Variants in BTBD8 observed in about 807,000 individuals in gnomAD.
BTBD8 encodes BTB domain containing 8, also known as BTB/POZ domain-containing protein 8.
In BTBD8, 110 loss-of-function variants were observed where a neutral mutation model predicts 162.9. The observed-to-expected ratio is 0.68, with a 90% confidence interval of 0.58 to 0.79. The LOEUF is 0.79. Among genes scored for constraint, BTBD8 ranks in the 30% least tolerant of loss-of-function variants. The pLI, the probability that BTBD8 is intolerant of heterozygous loss-of-function variation, is 0.00. For missense variants in BTBD8, 1,905 were observed against 2,085.4 expected, an observed-to-expected ratio of 0.91 and a Z score of 1.68; for synonymous variants, 667 against 716.1, an observed-to-expected ratio of 0.93 and a Z score of 1.10.
intron 1 of BTBD8, among the ~76,000 whole-genome samples, chr1:92,087,886 A>G (rs1648201816): frequency 6.6e-6 from 1 of 152,226 alleles, no homozygotes; most frequent in South Asian, 2.1e-4. Context: ...ATATTGCTAT[A>G]GTGATATGAA....
chr1:92,086,438 C>G (rs2101891175), intron 1 of BTBD8, among the ~76,000 whole-genome samples: 1 of 152,222 alleles, frequency 6.6e-6, no homozygotes, highest in African/African-American at 2.4e-5. Context: ...TGAGACCAGC[C>G]AGGGGAACAT....
chr1:92,157,326 C>T (rs1013240855), intron 9 of BTBD8, among the ~76,000 whole-genome samples: 3 of 151,980 alleles, frequency 2.0e-5, no homozygotes, highest in East Asian at 3.9e-4. Context: ...ATTTTGTGAC[C>T]GAACATGATA....
intron 4 of BTBD8, among the ~76,000 whole-genome samples, chr1:92,128,067 A>G (rs915830716): frequency 1.3e-5 from 2 of 152,090 alleles, no homozygotes; most frequent in Non-Finnish European, 2.9e-5. Context: ...CTGTATTTCA[A>G]TATTTTCTAG....
At chr1:92,123,511 G>A (rs1649270166) in intron 4 of BTBD8, among the ~76,000 whole-genome samples, 1 of 152,092 alleles carries the variant, frequency 6.6e-6, no homozygotes, top group African/African-American at 2.4e-5. Flanking sequence ...ATTTATCCTA[G>A]CAGTGTTTTA....
At chr1:92,126,173 G>A in intron 4 of BTBD8, 1 of 507,880 alleles carries the variant, frequency 2.0e-6, no homozygotes, top group South Asian at 1.6e-5. Context: ...AGAAGATTGT[G>A]GTGCAGGGAG....
intron 9 of BTBD8, among the ~76,000 whole-genome samples, chr1:92,157,501 C>A (rs986350033): frequency 2.0e-5 from 3 of 151,928 alleles, no homozygotes; most frequent in African/African-American, 7.3e-5. Context: ...TTCTTATTTA[C>A]TTATTTATTT....
rs907527094 is a variant in BTBD8, at chr1:92,182,116, A to T, written c.4433A>T (p.Glu1478Val). 6.4e-7 allele frequency: 1 copy of T among 1,551,426 alleles called. No individual in the cohort carries two copies. The highest frequency in any genetic ancestry group is 1.4e-5 in the African/African-American group (1 of 73,032). ...PSDVFDGISH[E>V]HHGRTCYSRF... ...GATGTTTTTGATGGCATTTCTCATGAACATCATGGAAGGACCTGCTATTCC... is the reference window on the plus strand; with the variant it reads ...GATGTTTTTGATGGCATTTCTCATGTACATCATGGAAGGACCTGCTATTCC... Residue 1478 changes from glutamate (E) to valine (V), a missense_variant, in exon 17 of 18, where the codon GAA becomes GTA. Glu to Val is a moderately radical substitution (Grantham distance 121, BLOSUM62 -2). Transcript: ENST00000636805.
At chr1:92,145,950 C>T (rs759623286) in intron 7 of BTBD8, among the ~76,000 whole-genome samples, 4 of 151,560 alleles carry the variant, frequency 2.6e-5, no homozygotes, top group Non-Finnish European at 5.9e-5. Context: ...CACTGCACTC[C>T]AGCCTGGGTG....
chr1:92,141,611 G>C (rs966495237), intron 7 of BTBD8, among the ~76,000 whole-genome samples: 1 of 152,114 alleles, frequency 6.6e-6, no homozygotes, highest in South Asian at 2.1e-4. Flanking sequence ...GCAGGGACTT[G>C]GGGTGGAATG....
At chr1:92,102,828 C>T (rs982854078) in intron 3 of BTBD8, among the ~76,000 whole-genome samples, 159 bp downstream of exon 3, 1 of 151,880 alleles carries the variant, frequency 6.6e-6, no homozygotes, top group Non-Finnish European at 1.5e-5. Flanking sequence ...CAGTTTTTCC[C>T]AAGTAATTGG....
At chr1:92,165,519 AC>A (rs1174576252) in intron 9 of BTBD8, among the ~76,000 whole-genome samples, 2 of 151,950 alleles carry the variant, frequency 1.3e-5, no homozygotes, top group African/African-American at 4.8e-5. Flanking sequence ...AAAAAAAAAA[AC>A]AGAGGCTGTG....
intron 4 of BTBD8, among the ~76,000 whole-genome samples, chr1:92,111,280 A>G (rs2101910542): frequency 6.6e-6 from 1 of 152,306 alleles, no homozygotes; most frequent in South Asian, 2.1e-4. Context: ...GGTGTGAGCC[A>G]CTGCACCTGG....
chr1:92,171,516 CTTA>C (rs112652323), intron 13 of BTBD8, 56 bp downstream of exon 13: 35,428 of 1,039,300 alleles, frequency 0.034, 766 homozygotes, highest in African/African-American at 0.061. Flanking sequence ...TTATTTAAAG[CTTA>C]TTATTTTATA....
chr1:92,180,891 A>G lies in BTBD8; in HGVS notation c.3208A>G (p.Ile1070Val), dbSNP rs1164650631. ...AACAGATGATTGCGATGCAGCTAAC[A>G]TATGTTGTCATTCTGTTGGGAGTGA... ...KETDDCDAANICCHSVGSDNV... is the reference protein window; with the variant it reads ...KETDDCDAANVCCHSVGSDNV... The change falls in exon 17 of 18, where the codon ATA becomes GTA. Residue 1070 changes from isoleucine to valine, a missense_variant. Physicochemically the swap from Ile to Val is conservative, Grantham distance 29. This residue lies in a region of BTBD8 where 1,374 missense variants were observed against 1,442.7 expected (regional missense o/e 0.95). Coordinates refer to ENST00000636805, the MANE Select transcript of BTBD8 (RefSeq NM_001376131.1). The G allele has an allele frequency of 1.3e-6, 2 of 1,551,702 alleles. No individual in the cohort carries two copies. The highest frequency in any genetic ancestry group is 1.7e-6 in the Non-Finnish European group (2 of 1,146,988).
rs1334382283 is a variant in BTBD8 at position 92,167,073 on chromosome 1, G to A, written c.1238G>A (p.Cys413Tyr). The A allele has an allele frequency of 6.4e-6, 10 of 1,550,470 alleles. No individual in the cohort carries two copies. Among genetic ancestry groups the A allele is most frequent in the African/African-American group, 1.4e-5 (1 of 73,026 alleles). The change falls in exon 10 of 18, where the codon TGT (cysteine) becomes TAT (tyrosine). Residue 413 changes from cysteine (C) to tyrosine (Y), a missense_variant. Transcript: ENST00000636805. ...ATGGCGTCTCAGCTTCAAGAAAAATGTATTGCATTTATTGTAGACAACTTC... is the reference window on the plus strand; with the variant it reads ...ATGGCGTCTCAGCTTCAAGAAAAATATATTGCATTTATTGTAGACAACTTC... ...LTMASQLQEK[C>Y]IAFIVDNFSK...
At chr1:92,156,004 G>T (rs1271986209) in intron 9 of BTBD8, among the ~76,000 whole-genome samples, 1 of 152,102 alleles carries the variant, frequency 6.6e-6, no homozygotes, top group Non-Finnish European at 1.5e-5. Context: ...TCCTTGTCTT[G>T]TTCCTGATAT....
intron 5 of BTBD8, among the ~76,000 whole-genome samples, chr1:92,131,846 C>A (rs1165840270): frequency 6.6e-6 from 1 of 151,990 alleles, no homozygotes; most frequent in African/African-American, 2.4e-5. Context: ...GTAGCTGGGA[C>A]TATAGATGTG....
chr1:92,152,955 AT>A (rs1284313067), intron 9 of BTBD8, among the ~76,000 whole-genome samples: 10 of 152,294 alleles, frequency 6.6e-5, no homozygotes, highest in African/African-American at 2.4e-4. Flanking sequence ...TATTTGTCAT[AT>A]TTTATTGTAT....
Position 92,182,265 on chromosome 1 carries a change from C to G in BTBD8, c.4582C>G (p.Gln1528Glu), listed in dbSNP as rs1557470022. 1 of 1,551,028 alleles carries G rather than the reference C, an allele frequency of 6.4e-7. No homozygotes were observed. Among genetic ancestry groups the G allele is most frequent in the South Asian group, 1.2e-5 (1 of 83,986 alleles). ...SSIDSSRKNK[Q>E]SVSATEKKNT... ...CATTGACTCTTCAAGAAAAAATAAACAGAGTGTTTCAGCCACAGAAAAAAA... is the reference window on the plus strand; with the variant it reads ...CATTGACTCTTCAAGAAAAAATAAAGAGAGTGTTTCAGCCACAGAAAAAAA... Residue 1528 changes from glutamine (Q) to glutamate (E), a missense_variant, in exon 17 of 18, where the codon CAG (glutamine) becomes GAG (glutamate). Gln to Glu is a conservative substitution (Grantham distance 29, BLOSUM62 2). This residue lies in a region of BTBD8 where 517 missense variants were observed against 606.6 expected (regional missense o/e 0.85). Coordinates refer to ENST00000636805, the MANE Select transcript of BTBD8 (RefSeq NM_001376131.1).
Sources: allele counts gnomAD v4.1 joint callset (sites outside exome capture counted in the v4.1 genomes callset), GRCh38; gene constraint gnomAD v4.1.1; regional missense constraint gnomAD v4.1.1; transcripts MANE v1.5; gene names NCBI Gene and HGNC (gene_info 2026-07-23, HGNC 2026-07-21).